The following RPS6KC1 variants were observed in gnomAD, a reference collection of about 807,000 sequenced individuals.
RPS6KC1 encodes the protein inactive ribosomal protein S6 kinase delta-1.
RPS6KC1 carries 54 observed loss-of-function variants against 103.8 expected under a neutral mutation model. The observed-to-expected ratio is 0.52, with a 90% CI of 0.42 to 0.65. The LOEUF is 0.65. Among genes scored for constraint, RPS6KC1 ranks in the 30% least tolerant of loss-of-function variants. RPS6KC1 has a pLI of 0.00. For synonymous variants in RPS6KC1, 439 were observed against 438.7 expected (o/e 1.00, Z -0.01); for missense variants, 1,151 against 1,253.8 (o/e 0.92, Z 1.24).
chr1:213,173,526 C>A (rs1310598123), intron 7 of RPS6KC1, among the ~76,000 whole-genome samples: 1 of 152,208 alleles, frequency 6.6e-6, no homozygotes. Flanking sequence ...TTCCTCTGTT[C>A]TCCAATTTGA....
the RPS6KC1 span, among the ~76,000 whole-genome samples, chr1:213,444,767 A>G: frequency 8.0e-5 from 12 of 149,818 alleles, no homozygotes; most frequent in Non-Finnish European, 1.6e-4. Flanking sequence ...AAAAAAGGAA[A>G]GAAAAGAAAA....
At chr1:213,740,389 G>A in the RPS6KC1 span, among the ~76,000 whole-genome samples, 174 of 152,062 alleles carry the variant, frequency 1.1e-3, 3 homozygotes, top group African/African-American at 3.8e-3. Flanking sequence ...AAAAATATTA[G>A]CACAGTTAGC....
At chr1:213,558,304 C>A in the RPS6KC1 span, among the ~76,000 whole-genome samples, 1 of 152,206 alleles carries the variant, frequency 6.6e-6, no homozygotes, top group South Asian at 2.1e-4. Context: ...CAACCACAAA[C>A]CCCTGCTCAC....
At chr1:213,795,664 T>G in the RPS6KC1 span, among the ~76,000 whole-genome samples, 5 of 152,194 alleles carry the variant, frequency 3.3e-5, no homozygotes, top group African/African-American at 1.2e-4. Context: ...TCGTTTTATT[T>G]TTTTGAGGAG....
the RPS6KC1 span, among the ~76,000 whole-genome samples, chr1:213,854,510 CTCTTTCTT>C: frequency 0.023 from 2,786 of 120,954 alleles, 37 homozygotes; most frequent in East Asian, 0.047. Context: ...CTCTTTCTTT[CTCTTTCTT>C]TCTTTCTTTC....
In RPS6KC1 at chr1:213,108,680, G is replaced by T. The variant is rs540948544; in HGVS notation, c.378+4111G>T. 6.7e-5 allele frequency among the ~76,000 whole-genome samples: 10 copies of T among 149,186 alleles called. No individual in the cohort carries two copies. The South Asian group carries it at 1.9e-3, about 29-fold the overall frequency. On this transcript the variant is annotated intron_variant, in intron 4 of 14. Coordinates refer to ENST00000366960, the MANE Select transcript of RPS6KC1 (RefSeq NM_012424.6). ...TTTTTTTTTTTTTTTAAAGAATTGG[G>T]GTCTCACTTTTTTCACCGAGGCTGG...
the RPS6KC1 span, among the ~76,000 whole-genome samples, chr1:213,316,819 G>A: frequency 2.0e-5 from 3 of 152,032 alleles, no homozygotes; most frequent in Non-Finnish European, 4.4e-5. Context: ...GACACAGAAA[G>A]GAAATGAGGA....
chr1:213,057,752 C>CTTTTTTTTTTT (rs869259657), intron 1 of RPS6KC1, among the ~76,000 whole-genome samples: 27 of 73,702 alleles, frequency 3.7e-4, no homozygotes, highest in East Asian at 9.8e-4. Context: ...TCTGAAGTAT[C>CTTTTTTTTTTT]TTTTTTTTTT....
chr1:213,636,871 A>G, the RPS6KC1 span, among the ~76,000 whole-genome samples: 2 of 152,212 alleles, frequency 1.3e-5, no homozygotes, highest in South Asian at 4.1e-4. Context: ...TACTCATCTG[A>G]CAAAGGGCTA....
chr1:213,387,030 G>C, the RPS6KC1 span, among the ~76,000 whole-genome samples: 3 of 152,208 alleles, frequency 2.0e-5, no homozygotes, highest in Non-Finnish European at 4.4e-5. Context: ...ACTATTGCTA[G>C]AGCGCCTTTT....
At chr1:213,204,032 C>G (rs746247827) in intron 8 of RPS6KC1, among the ~76,000 whole-genome samples, 10 of 152,192 alleles carry the variant, frequency 6.6e-5, no homozygotes, top group Non-Finnish European at 1.5e-4. Flanking sequence ...TGGTCCATGT[C>G]TGAATTAGAC....
chr1:213,133,568 G>A (rs140050758), intron 6 of RPS6KC1, among the ~76,000 whole-genome samples: 1 of 152,244 alleles, frequency 6.6e-6, no homozygotes, highest in East Asian at 1.9e-4. Context: ...ATTTAAAACA[G>A]GAAGCTACCA....
At chr1:213,340,982 C>G in the RPS6KC1 span, among the ~76,000 whole-genome samples, 1 of 152,256 alleles carries the variant, frequency 6.6e-6, no homozygotes, top group Non-Finnish European at 1.5e-5. Flanking sequence ...GTAGTTGAAC[C>G]ACCAAAGAGA....
intron 8 of RPS6KC1, among the ~76,000 whole-genome samples, chr1:213,177,810 A>T (rs1368121441): frequency 6.6e-6 from 1 of 152,060 alleles, no homozygotes; most frequent in East Asian, 1.9e-4. Flanking sequence ...TCTTAGATCT[A>T]TTTCTTTGAC....
chr1:213,816,731 A>G, the RPS6KC1 span, among the ~76,000 whole-genome samples: 3 of 152,166 alleles, frequency 2.0e-5, no homozygotes, highest in Non-Finnish European at 4.4e-5. Flanking sequence ...CTGAACAAAA[A>G]TATTGAGTGT....
At chr1:213,307,324 T>TACA in the RPS6KC1 span, among the ~76,000 whole-genome samples, 2 of 152,040 alleles carry the variant, frequency 1.3e-5, no homozygotes, top group Non-Finnish European at 2.9e-5. Flanking sequence ...GTGCTGGGAT[T>TACA]ACAAGCGTGA....
At chr1:213,201,550 A>G (rs1199690989) in intron 8 of RPS6KC1, among the ~76,000 whole-genome samples, 1 of 152,196 alleles carries the variant, frequency 6.6e-6, no homozygotes, top group African/African-American at 2.4e-5. Context: ...AGAACATACT[A>G]CAGCAAGATA....
chr1:213,638,476 G>T, the RPS6KC1 span, among the ~76,000 whole-genome samples: 3 of 151,890 alleles, frequency 2.0e-5, no homozygotes, highest in Admixed American at 6.6e-5. Flanking sequence ...TCTTCTAAAA[G>T]TTATACATTT....
the RPS6KC1 span, among the ~76,000 whole-genome samples, chr1:213,846,096 G>A: frequency 6.9e-6 from 1 of 145,776 alleles, no homozygotes; most frequent in East Asian, 2.0e-4. Context: ...TTCAAGACCA[G>A]CCTGGCCAAC....
Sources: allele counts gnomAD v4.1 joint callset (sites outside exome capture counted in the v4.1 genomes callset), GRCh38; gene constraint gnomAD v4.1.1; transcripts MANE v1.5; gene names NCBI Gene and HGNC (gene_info 2026-07-23, HGNC 2026-07-21).